Variants in ZNF385B observed in about 807,000 individuals in gnomAD.
The protein encoded by ZNF385B is zinc finger protein 385B.
A neutral mutation model predicts 39.2 loss-of-function variants in ZNF385B; 23 were observed. That is an observed-to-expected ratio of 0.59 (90% CI 0.42 to 0.83). ZNF385B has a LOEUF of 0.83. Among genes scored for constraint, ZNF385B ranks in the 40% least tolerant of loss-of-function variants. ZNF385B has a pLI of 0.00. For missense variants in ZNF385B, 552 were observed against 598.9 expected (o/e 0.92, Z 0.82); for synonymous variants, 205 against 222.6 (o/e 0.92, Z 0.70).
intron 5 of ZNF385B, among the ~76,000 whole-genome samples, chr2:179,497,689 TA>T (rs974277466): frequency 1.1e-4 from 17 of 151,262 alleles, no homozygotes; most frequent in Non-Finnish European, 1.6e-4. Flanking sequence ...AGAAAACACA[TA>T]AAAAAATGGC....
chr2:179,795,940 C>CA (rs1036826659), intron 1 of ZNF385B, among the ~76,000 whole-genome samples: 3 of 151,792 alleles, frequency 2.0e-5, no homozygotes, highest in East Asian at 1.9e-4. Flanking sequence ...CCATTTAAAC[C>CA]AAAAAAATAG....
At chr2:179,556,745 T>C (rs1183839679) in intron 3 of ZNF385B, among the ~76,000 whole-genome samples, 3 of 149,380 alleles carry the variant, frequency 2.0e-5, no homozygotes, top group African/African-American at 7.6e-5. Context: ...CCTCTTTCTA[T>C]TACAAACAGA....
chr2:179,493,426 C>A (rs1159566324), intron 5 of ZNF385B, among the ~76,000 whole-genome samples: 1 of 150,800 alleles, frequency 6.6e-6, no homozygotes. Context: ...TGCATGTGTA[C>A]ATATATGTAC....
At chr2:179,630,000 C>T (rs71425640) in intron 3 of ZNF385B, among the ~76,000 whole-genome samples, 12,078 of 152,316 alleles carry the variant, frequency 0.079, 545 homozygotes, top group Middle Eastern at 0.2. Flanking sequence ...AGTAGGTAAA[C>T]AAAGTGGCCA....
intron 1 of ZNF385B, among the ~76,000 whole-genome samples, chr2:179,859,121 C>G (rs1296362871): frequency 6.6e-6 from 1 of 152,076 alleles, no homozygotes; most frequent in Non-Finnish European, 1.5e-5. Flanking sequence ...ATGCTTTGAT[C>G]GATCCTCATT....
chr2:179,659,010 C>A (rs1328543852), intron 3 of ZNF385B, among the ~76,000 whole-genome samples: 2 of 152,198 alleles, frequency 1.3e-5, no homozygotes, highest in African/African-American at 2.4e-5. Flanking sequence ...CTCCTGACCT[C>A]AGGTGATCCG....
chr2:179,725,087 A>G (rs1700921189), intron 3 of ZNF385B, among the ~76,000 whole-genome samples: 1 of 152,090 alleles, frequency 6.6e-6, no homozygotes, highest in Admixed American at 6.5e-5. Context: ...ATGGGAAACT[A>G]CACAACAGTA....
At chr2:179,751,263 A>G (rs918212928) in intron 3 of ZNF385B, among the ~76,000 whole-genome samples, 1 of 149,568 alleles carries the variant, frequency 6.7e-6, no homozygotes, top group Non-Finnish European at 1.5e-5. Context: ...ATGTCCACAC[A>G]TCCTCACTCC....
At chr2:179,608,657 C>T (rs959983409) in intron 3 of ZNF385B, among the ~76,000 whole-genome samples, 65 of 152,106 alleles carry the variant, frequency 4.3e-4, no homozygotes, top group African/African-American at 1.4e-3. Context: ...GCAAATCACT[C>T]GGGGATATCA....
Position 179,840,289 on chromosome 2 carries a change from C to T in ZNF385B, c.-155+20812G>A, listed in dbSNP as rs1472224943. On this transcript the variant is annotated intron_variant, in intron 1 of 9. Coordinates refer to ENST00000410066, the MANE Select transcript of ZNF385B (RefSeq NM_152520.6). ...GTGAGGCCTTGCTGAGTAAGAGCCC[C>T]TCATTTCTTGCCACCCTAAGTTCTA... 2.0e-5 allele frequency among the ~76,000 whole-genome samples: 3 copies of T among 152,172 alleles called. No homozygotes were observed. In the East Asian group the frequency reaches 5.8e-4, roughly 29 times the overall value.
At chr2:179,646,354 G>A (rs1201370629) in intron 3 of ZNF385B, among the ~76,000 whole-genome samples, 1 of 152,242 alleles carries the variant, frequency 6.6e-6, no homozygotes, top group African/African-American at 2.4e-5. Flanking sequence ...AGAGGTTGCA[G>A]TGAGCCGAGA....
intron 3 of ZNF385B, among the ~76,000 whole-genome samples, chr2:179,616,016 A>G (rs765776620): frequency 6.6e-6 from 1 of 152,244 alleles, no homozygotes; most frequent in Non-Finnish European, 1.5e-5. Context: ...ATAGAATAGT[A>G]TTTAATCATC....
At chr2:179,739,047 C>A (rs1017127600) in intron 3 of ZNF385B, among the ~76,000 whole-genome samples, 4 of 152,202 alleles carry the variant, frequency 2.6e-5, no homozygotes, top group African/African-American at 9.6e-5. Context: ...ACCACCACTG[C>A]AAATTCAAAT....
chr2:179,833,251 C>A (rs981640829), intron 1 of ZNF385B, among the ~76,000 whole-genome samples: 1 of 152,002 alleles, frequency 6.6e-6, no homozygotes, highest in South Asian at 2.1e-4. Flanking sequence ...TTGACTATTT[C>A]AGGAGAATAC....
chr2:179,799,292 C>A (rs1368059671), intron 1 of ZNF385B, among the ~76,000 whole-genome samples: 1 of 152,034 alleles, frequency 6.6e-6, no homozygotes, highest in African/African-American at 2.4e-5. Context: ...CTCAAGCTTT[C>A]ATTTAAGGCA....
chr2:179,860,249 C>A (rs538853537), intron 1 of ZNF385B, among the ~76,000 whole-genome samples: 65 of 152,242 alleles, frequency 4.3e-4, no homozygotes, highest in African/African-American at 1.5e-3. Flanking sequence ...TCCAAAACTG[C>A]GTTATTTTGT....
intron 3 of ZNF385B, among the ~76,000 whole-genome samples, chr2:179,728,079 T>C (rs1245096679): frequency 1.3e-5 from 2 of 152,122 alleles, no homozygotes; most frequent in Non-Finnish European, 2.9e-5. Flanking sequence ...ACTGCCTTTT[T>C]GTCAGATTTG....
At chr2:179,791,075 A>G (rs559327928) in intron 1 of ZNF385B, among the ~76,000 whole-genome samples, 19 of 152,282 alleles carry the variant, frequency 1.2e-4, no homozygotes, top group African/African-American at 4.6e-4. Context: ...TTGGTGATTG[A>G]GTGGGAGGCA....
chr2:179,689,756 C>T (rs115890132), intron 3 of ZNF385B, among the ~76,000 whole-genome samples: 2,594 of 151,106 alleles, frequency 0.017, 31 homozygotes, highest in Non-Finnish European at 0.025. Context: ...GACAAGACTA[C>T]ATGAAGAAGA....
Sources: gnomAD v4.1 joint callset for allele counts (sites outside exome capture counted in the v4.1 genomes callset) on GRCh38, gnomAD v4.1.1 for gene constraint, MANE v1.5 for transcripts, NCBI Gene and HGNC (gene_info 2026-07-23, HGNC 2026-07-21) for gene names.